DDX6: variants seen among roughly 807,000 people sequenced by gnomAD.
DDX6 encodes the protein probable ATP-dependent RNA helicase DDX6.
DDX6 carries 7 observed loss-of-function variants against 60.6 expected under a neutral mutation model. The observed-to-expected ratio is 0.12, with a 90% CI of 0.07 to 0.22. The LOEUF (loss-of-function observed/expected upper bound fraction) is 0.22, where lower values mean the gene tolerates loss of function less well. DDX6 is among the 10% of genes least tolerant of loss of function. The pLI is 1.00. For missense variants in DDX6, 270 were observed against 589.9 expected, an observed-to-expected ratio of 0.46 and a Z score of 5.62; for synonymous variants, 207 against 201.0, an observed-to-expected ratio of 1.03 and a Z score of -0.25.
Position 118,765,059 on chromosome 11 carries a change from GTC to G in DDX6, c.646+148_646+149del, listed in dbSNP as rs1591899475. ...ATATCGTTTTCAATTATGGTAATTT[GTC>G]TTTTTCGCTTGAATGCAGTGGTCAT... On this transcript the variant is annotated intron_variant, in intron 6 of 13. Coordinates refer to ENST00000534980, the MANE Select transcript of DDX6 (RefSeq NM_004397.6). 99 of 852,036 alleles carry G rather than the reference GTC, an allele frequency of 1.2e-4. No individual in the cohort carries two copies. In the East Asian group the frequency reaches 2.4e-3, roughly 21 times the overall value. The allele number at this position is 852,036 out of a possible 1,614,324, so 52.8% of individuals were successfully genotyped here.
At chr11:118,791,559 T>A (rs1285828583), upstream of DDX6, 1 of 152,084 alleles carries the variant, frequency 6.6e-6, no homozygotes, top group African/African-American at 2.4e-5. Flanking sequence ...CTTTATTACA[T>A]GACTAAGGAT....
At chr11:118,779,994 T>C (rs1861836422) in intron 3 of DDX6, among the ~76,000 whole-genome samples, 1 of 151,386 alleles carries the variant, frequency 6.6e-6, no homozygotes, top group Non-Finnish European at 1.5e-5. Context: ...TGCACGCCTG[T>C]AGTCGCAGCT....
intron 7 of DDX6, among the ~76,000 whole-genome samples, chr11:118,762,975 A>G (rs1861226120): frequency 6.6e-6 from 1 of 152,248 alleles, no homozygotes; most frequent in Non-Finnish European, 1.5e-5. Flanking sequence ...CTACTAAAAA[A>G]TTAAAACCTA....
chr11:118,753,956 C>T (rs1244623232), intron 13 of DDX6, among the ~76,000 whole-genome samples: 2 of 151,956 alleles, frequency 1.3e-5, no homozygotes, highest in African/African-American at 2.4e-5. Flanking sequence ...ATTAGCTGGG[C>T]ATGGTGGAGC....
At position 118,780,177 on chromosome 11, in the gene DDX6, G is replaced by GC. The variant is rs542215398; in HGVS notation, c.265-442dup. Among the ~76,000 whole-genome samples, 66 of 143,250 alleles carry GC rather than the reference G, an allele frequency of 4.6e-4. 2 individuals are homozygous for GC. In the South Asian group the frequency reaches 0.015, roughly 32 times the overall value. 94.0% of individuals were successfully genotyped at this position (143,250 alleles called of 152,430 possible). ...CTTCTCTGACTTTAGTACTTTACCT[G>GC]CCCAATCTTAAATATAAATATATGC... is the stretch of plus-strand genomic sequence containing the variant. On this transcript the variant is annotated intron_variant, in intron 3 of 13. Transcript: ENST00000534980.
At chr11:118,774,495 G>T (rs1208379443) in intron 4 of DDX6, among the ~76,000 whole-genome samples, 1 of 145,830 alleles carries the variant, frequency 6.9e-6, no homozygotes, top group Non-Finnish European at 1.5e-5. Flanking sequence ...GTGAGACAGG[G>T]TCTTGCTCTG....
chr11:118,776,790 G>A (rs1417625935), intron 4 of DDX6, among the ~76,000 whole-genome samples: 8 of 148,260 alleles, frequency 5.4e-5, no homozygotes, highest in East Asian at 4.0e-4. Context: ...TGGACATCGC[G>A]CCACTGCACT....
chr11:118,758,968 A>G (rs1861072216), intron 8 of DDX6, 66 bp from the exon 9 acceptor site: 1 of 1,594,548 alleles, frequency 6.3e-7, no homozygotes, highest in Non-Finnish European at 8.6e-7. Flanking sequence ...TCTCAAATTC[A>G]AAATATACCC....
chr11:118,780,386 C>T (rs1861855331), intron 3 of DDX6, among the ~76,000 whole-genome samples: 2 of 152,132 alleles, frequency 1.3e-5, no homozygotes, highest in Admixed American at 1.3e-4. Context: ...GGCGTGATCT[C>T]GGCTCACTGC....
chr11:118,765,391 G>C, intron 5 of DDX6, 36 bp from the exon 6 acceptor site: 2 of 1,607,536 alleles, frequency 1.2e-6, no homozygotes, highest in Non-Finnish European at 8.5e-7. Flanking sequence ...AGAAAATATG[G>C]GGTGAGGTGG....
Position 118,754,896 on chromosome 11 carries a change from C to T in DDX6, c.1277-9G>A, listed in dbSNP as rs529124287. 71 of 1,588,368 alleles carry T rather than the reference C, an allele frequency of 4.5e-5. No individual in the cohort carries two copies. Among genetic ancestry groups the T allele is most frequent in the East Asian group, 6.7e-5 (3 of 44,640 alleles). On this transcript the variant is annotated splice_polypyrimidine_tract_variant and intron_variant, in intron 12 of 13. Transcript: ENST00000534980. ...AAGATGACCAAAGCGACCTAAAAAA[C>T]ATGCGTTTAAAAATTTTAATGAATA...
At chr11:118,761,863 A>G (rs1181686022) in intron 7 of DDX6, among the ~76,000 whole-genome samples, 2 of 20,332 alleles carry the variant, frequency 9.8e-5, no homozygotes, top group Admixed American at 1.6e-3. Flanking sequence ...ATTAAATGGA[A>G]AAAAAAAAAA....
chr11:118,763,900 C>A (rs1218431450), intron 6 of DDX6, among the ~76,000 whole-genome samples: 1 of 147,628 alleles, frequency 6.8e-6, no homozygotes, highest in Non-Finnish European at 1.5e-5. Flanking sequence ...GTGGAAATAA[C>A]ACAAAAAGGC....
intron 3 of DDX6, among the ~76,000 whole-genome samples, chr11:118,780,637 GA>G (rs2137533821): frequency 6.6e-6 from 1 of 152,266 alleles, no homozygotes; most frequent in Non-Finnish European, 1.5e-5. Flanking sequence ...GTCTCCTAAG[GA>G]CTGGTGGAAT....
At chr11:118,785,968 G>C in intron 2 of DDX6, 84 bp downstream of exon 2, 1 of 1,289,094 alleles carries the variant, frequency 7.8e-7, no homozygotes, top group Non-Finnish European at 1.1e-6. Flanking sequence ...TTAAATTAAG[G>C]CATAAGTATT....
At chr11:118,764,560 T>C (rs1861284550) in intron 6 of DDX6, among the ~76,000 whole-genome samples, 1 of 152,028 alleles carries the variant, frequency 6.6e-6, no homozygotes, top group South Asian at 2.1e-4. Context: ...ATCCCAGCAC[T>C]TTGGGAGGCT....
At chr11:118,787,771 G>T (rs879270362) in intron 1 of DDX6, 1 of 152,144 alleles carries the variant, frequency 6.6e-6, no homozygotes, top group African/African-American at 2.4e-5. Flanking sequence ...TCCCAAGGAC[G>T]GATGATATAC....
At chr11:118,765,946 C>T (rs1191826007) in intron 5 of DDX6, among the ~76,000 whole-genome samples, 1 of 152,074 alleles carries the variant, frequency 6.6e-6, no homozygotes, top group African/African-American at 2.4e-5. Flanking sequence ...TGGCACATGC[C>T]TGTAATCCCA....
At chr11:118,755,547 G>C in intron 11 of DDX6, 44 bp from the exon 12 acceptor site, 2 of 1,098,016 alleles carry the variant, frequency 1.8e-6, no homozygotes, top group Non-Finnish European at 2.8e-6. Context: ...ATTTAGAAAT[G>C]TCTCTCAGTA....
Sources: gnomAD v4.1 joint callset for allele counts (sites outside exome capture counted in the v4.1 genomes callset) on GRCh38, gnomAD v4.1.1 for gene constraint, MANE v1.5 for transcripts, NCBI Gene and HGNC (gene_info 2026-07-23, HGNC 2026-07-21) for gene names.